C11orf42: variants seen among roughly 807,000 people sequenced by gnomAD.
C11orf42 encodes chromosome 11 open reading frame 42.
C11orf42 carries 24 observed loss-of-function variants against 27.9 expected under a neutral mutation model. That is an observed-to-expected ratio of 0.86 (90% CI 0.62 to 1.21). The LOEUF (loss-of-function observed/expected upper bound fraction) is 1.21. C11orf42 is among the 50% of genes most tolerant of loss of function. The probability of loss-of-function intolerance (pLI) is 0.00; values close to 1 mark genes in which losing one functional copy is unlikely to be tolerated. For synonymous variants in C11orf42, 187 were observed against 180.8 expected, an observed-to-expected ratio of 1.03 and a Z score of -0.28; for missense variants, 455 against 424.1, an observed-to-expected ratio of 1.07 and a Z score of -0.64.
chr11:6,205,946 CA>C (rs776370660), intron 1 of C11orf42, among the ~76,000 whole-genome samples: 10 of 152,078 alleles, frequency 6.6e-5, no homozygotes, highest in Admixed American at 2.0e-4. Flanking sequence ...TACGCTAAGT[CA>C]GGGGTGAGAC....
Position 6,210,397 on chromosome 11 carries a change from T to A in C11orf42, c.620T>A (p.Val207Glu). 1 of 1,614,176 alleles carries A rather than the reference T, an allele frequency of 6.2e-7. No individual in the cohort carries two copies. The highest frequency in any genetic ancestry group is 8.5e-7 in the Non-Finnish European group (1 of 1,180,024). The change falls in exon 2 of 3, where the codon GTG becomes GAG. Residue 207 changes from valine (V) to glutamate (E), a missense_variant. Physicochemically the swap from Val to Glu is moderately radical, Grantham distance 121 (BLOSUM62 -2). Transcript: ENST00000316375. The surrounding 1 kb of genome is among the most constrained non-coding windows in gnomAD (Gnocchi z 4.0). ...AAGTTTTCACTGCAGTCTAAGGGCG[T>A]GCTGGGACCACAGAAGCCTCTCACT... ...CLKFSLQSKG[V>E]LGPQKPLTKD...
In C11orf42 at chr11:6,210,904, C is replaced by T. The variant is rs763232949; in HGVS notation, c.872-8C>T. The T allele has an allele frequency of 1.2e-6, 2 of 1,600,460 alleles. No homozygotes were observed. The highest frequency in any genetic ancestry group is 2.7e-5 in the African/African-American group (2 of 74,168). On this transcript the variant is annotated splice_polypyrimidine_tract_variant and splice_region_variant and intron_variant, in intron 2 of 2. Coordinates refer to ENST00000316375, the MANE Select transcript of C11orf42 (RefSeq NM_173525.3). This position sits in a 1 kb window ranked among gnomAD's most constrained non-coding sequence, Gnocchi z 4.0. ...GAGTCAAGCTGTGACTATCCCCAAC[C>T]CTGGCAGAGAACTGGCTCTTCAGCC...
chr11:6,209,850 G>C lies in C11orf42; in HGVS notation c.73G>C (p.Val25Leu), dbSNP rs1426745478. The C allele has an allele frequency of 3.2e-6, 5 of 1,576,428 alleles. No homozygotes were observed. Among genetic ancestry groups the C allele is most frequent in the Non-Finnish European group, 3.5e-6 (4 of 1,154,402 alleles). ...DATWTLIKDKVIEEHFGPNAV... is the reference protein window; with the variant it reads ...DATWTLIKDKLIEEHFGPNAV... The stretch of plus-strand genomic sequence containing the variant: ...TGACCTATAAACTGGCCACCTGCAG[G>C]TCATCGAGGAGCACTTTGGGCCCAA... The change falls in exon 2 of 3, where the codon GTC (valine) becomes CTC (leucine). Residue 25 changes from valine (V) to leucine (L), a missense_variant and splice_region_variant. Coordinates refer to ENST00000316375, the MANE Select transcript of C11orf42 (RefSeq NM_173525.3).
In C11orf42 at chr11:6,210,047, G is replaced by A; in HGVS notation, c.270G>A (p.Glu90=). The A allele has an allele frequency of 6.2e-7, 1 of 1,614,252 alleles. No individual in the cohort carries two copies. The part of the protein sequence containing the change: ...LPSLLEQAGS[E]GAFAHCTREY... ...GCCTCCTGGAGCAGGCAGGATCTGA[G>A]GGTGCCTTCGCCCACTGCACTCGGG... The change falls in exon 2 of 3, where the codon GAG becomes GAA. Residue 90 remains glutamate (E), a synonymous_variant. Transcript: ENST00000316375. This position sits in a 1 kb window ranked among gnomAD's most constrained non-coding sequence, Gnocchi z 4.0.
rs1260371679 is a variant in C11orf42 at position 6,210,281 on chromosome 11, T to C, written c.504T>C (p.Cys168=). 2 of 1,614,092 alleles carry C rather than the reference T, an allele frequency of 1.2e-6. No individual in the cohort carries two copies. The highest frequency in any genetic ancestry group is 1.7e-6 in the Non-Finnish European group (2 of 1,180,044). ...ATGTCATCTACCAGGTCTTCTCTTG[T>C]TCCTGGCTGCAGCTGGGGCTGACGT... The part of the protein sequence containing the change: ...SIYVIYQVFS[C]SWLQLGLTST... The change falls in exon 2 of 3, where the codon TGT becomes TGC. Residue 168 remains cysteine (C), a synonymous_variant. Coordinates refer to ENST00000316375, the MANE Select transcript of C11orf42 (RefSeq NM_173525.3). The surrounding 1 kb of genome is among the most constrained non-coding windows in gnomAD (Gnocchi z 4.0).
At position 6,210,716 on chromosome 11, in the gene C11orf42, A is replaced by C; in HGVS notation, c.871+68A>C. On this transcript the variant is annotated intron_variant, in intron 2 of 2. Transcript: ENST00000316375. The surrounding 1 kb of genome is among the most constrained non-coding windows in gnomAD (Gnocchi z 4.0). Reference sequence around the variant, plus strand: ...AAGTGAAGGAGGGAGAAGGCATGAGAATTAAGTATGTGAGGAATCCATTAC... The same window carrying C: ...AAGTGAAGGAGGGAGAAGGCATGAGCATTAAGTATGTGAGGAATCCATTAC... 6.5e-7 allele frequency: 1 copy of C among 1,530,334 alleles called. No individual in the cohort carries two copies. Among genetic ancestry groups the C allele is most frequent in the Non-Finnish European group, 8.9e-7 (1 of 1,122,052 alleles). The allele number at this position is 1,530,334 out of a possible 1,614,324, so 94.8% of individuals were successfully genotyped here.
rs1260388367 is a variant in C11orf42, at chr11:6,210,690, A to G, written c.871+42A>G. The G allele has an allele frequency of 1.3e-6, 2 of 1,591,052 alleles. No individual in the cohort carries two copies. Among genetic ancestry groups the G allele is most frequent in the Non-Finnish European group, 1.7e-6 (2 of 1,163,606 alleles). On this transcript the variant is annotated intron_variant, in intron 2 of 2. Coordinates refer to ENST00000316375, the MANE Select transcript of C11orf42 (RefSeq NM_173525.3). The surrounding 1 kb of genome is among the most constrained non-coding windows in gnomAD (Gnocchi z 4.0). ...TGATGATGAGATGGATGGGAGGGAC[A>G]AAGTGAAGGAGGGAGAAGGCATGAG...
At chr11:6,207,066 T>C (rs1846986701) in intron 1 of C11orf42, among the ~76,000 whole-genome samples, 1 of 152,070 alleles carries the variant, frequency 6.6e-6, no homozygotes, top group Non-Finnish European at 1.5e-5. Flanking sequence ...AGGAAAACAA[T>C]ATTCCACCAT....
At position 6,210,562 on chromosome 11, in the gene C11orf42, C is replaced by T. The variant is rs1277924819; in HGVS notation, c.785C>T (p.Pro262Leu). The T allele has an allele frequency of 3.7e-6, 6 of 1,613,910 alleles. No homozygotes were observed. The highest frequency in any genetic ancestry group is 5.1e-6 in the Non-Finnish European group (6 of 1,179,974). ...CCTGTCCCAGCCCCACCTACGCCAC[C>T]TCCCCAGGAAGGGCCAGAGGACAAA... Reference protein sequence around the residue: ...PPPVPAPPTPPPQEGPEDKPT... With the variant: ...PPPVPAPPTPLPQEGPEDKPT... The change falls in exon 2 of 3, where the codon CCT becomes CTT. Residue 262 changes from proline (P) to leucine (L), a missense_variant. By Grantham distance (98) the Pro-to-Leu change is moderately conservative. Transcript: ENST00000316375. The surrounding 1 kb of genome is among the most constrained non-coding windows in gnomAD (Gnocchi z 4.0).
intron 1 of C11orf42, among the ~76,000 whole-genome samples, chr11:6,207,870 G>C (rs1246078730): frequency 2.0e-5 from 3 of 152,164 alleles, no homozygotes; most frequent in Non-Finnish European, 2.9e-5. Context: ...GGAGCCACTG[G>C]TGAATTCTAC....
In C11orf42 at chr11:6,210,760, G is replaced by C. The variant is rs1052167761; in HGVS notation, c.871+112G>C. On this transcript the variant is annotated intron_variant, in intron 2 of 2. Transcript: ENST00000316375. The surrounding 1 kb of genome is among the most constrained non-coding windows in gnomAD (Gnocchi z 4.0). ...CCATTACTCAGCACAGGGCTCTGGT[G>C]AAAGAGATGGAATGAGGGAGACTGG... 1 of 1,402,650 alleles carries C rather than the reference G, an allele frequency of 7.1e-7. No homozygotes were observed. Among genetic ancestry groups the C allele is most frequent in the African/African-American group, 1.4e-5 (1 of 69,266 alleles). 86.9% of individuals were successfully genotyped at this position (1,402,650 alleles called of 1,614,324 possible). A position where few individuals can be genotyped will look rare whatever the true frequency, so the allele number is the denominator to read the frequency against.
rs916063747 is a variant in C11orf42, at chr11:6,210,863, G to T, written c.872-49G>T. The T allele has an allele frequency of 5.2e-6, 8 of 1,535,250 alleles. No individual in the cohort carries two copies. The highest frequency in any genetic ancestry group is 1.4e-5 in the African/African-American group (1 of 71,528). Reference sequence around the variant, plus strand: ...AGGACCAGAGGGAAAAGCTAGGGGGGGAAAAGACCAGCCATGAGTCAAGCT... The same window carrying T: ...AGGACCAGAGGGAAAAGCTAGGGGGTGAAAAGACCAGCCATGAGTCAAGCT... On this transcript the variant is annotated intron_variant, in intron 2 of 2. Coordinates refer to ENST00000316375, the MANE Select transcript of C11orf42 (RefSeq NM_173525.3). The surrounding 1 kb of genome is among the most constrained non-coding windows in gnomAD (Gnocchi z 4.0).
rs1250130007 is a variant in C11orf42, at chr11:6,210,945, C to T, written c.905C>T (p.Pro302Leu). Residue 302 changes from proline to leucine, a missense_variant, in exon 3 of 3, where the codon CCA (proline) becomes CTA (leucine). By Grantham distance (98) the Pro-to-Leu change is moderately conservative. Transcript: ENST00000316375. This position sits in a 1 kb window ranked among gnomAD's most constrained non-coding sequence, Gnocchi z 4.0. ...NWLFSPRSPPPGAQGGGPRDP... is the reference protein window; with the variant it reads ...NWLFSPRSPPLGAQGGGPRDP... ...CTCTTCAGCCCCCGCAGCCCTCCAC[C>T]AGGAGCCCAGGGTGGGGGCCCCAGG... 6.2e-7 allele frequency: 1 copy of T among 1,609,098 alleles called. No homozygotes were observed. The highest frequency in any genetic ancestry group is 1.7e-5 in the Admixed American group (1 of 58,508).
chr11:6,210,855 C>A lies in C11orf42; in HGVS notation c.872-57C>A. On this transcript the variant is annotated intron_variant, in intron 2 of 2. Transcript: ENST00000316375. This position sits in a 1 kb window ranked among gnomAD's most constrained non-coding sequence, Gnocchi z 4.0. ...TGGCACAGAGGACCAGAGGGAAAAG[C>A]TAGGGGGGGAAAAGACCAGCCATGA... The A allele has an allele frequency of 6.6e-7, 1 of 1,516,750 alleles. No individual in the cohort carries two copies. Among genetic ancestry groups the A allele is most frequent in the Non-Finnish European group, 8.8e-7 (1 of 1,134,338 alleles). 94.0% of individuals were successfully genotyped at this position (1,516,750 alleles called of 1,614,324 possible). A position where few individuals can be genotyped will look rare whatever the true frequency, so the allele number is the denominator to read the frequency against.
At chr11:6,208,479 T>G (rs1459780162) in intron 1 of C11orf42, among the ~76,000 whole-genome samples, 2 of 152,304 alleles carry the variant, frequency 1.3e-5, no homozygotes, top group South Asian at 2.1e-4. Flanking sequence ...CTCTGTGGAG[T>G]GCAGTGGTGC....
Position 6,210,151 on chromosome 11 carries a change from T to A in C11orf42, c.374T>A (p.Leu125Gln). The A allele has an allele frequency of 6.2e-7, 1 of 1,614,186 alleles. No individual in the cohort carries two copies. Among genetic ancestry groups the A allele is most frequent in the Non-Finnish European group, 8.5e-7 (1 of 1,180,032 alleles). The change falls in exon 2 of 3, where the codon CTA becomes CAA. Residue 125 changes from leucine (L) to glutamine (Q), a missense_variant. Leu to Gln is a moderately radical substitution (Grantham distance 113). Coordinates refer to ENST00000316375, the MANE Select transcript of C11orf42 (RefSeq NM_173525.3). This position sits in a 1 kb window ranked among gnomAD's most constrained non-coding sequence, Gnocchi z 4.0. ...MLDGQPCKIR[L>Q]HMGDLRKKVA... is the part of the protein sequence containing the mutation. ...GATGGACAGCCCTGCAAGATCCGCC[T>A]ACATATGGGTGACCTGCGCAAGAAG...
At chr11:6,209,168 C>T (rs1221073376) in intron 1 of C11orf42, among the ~76,000 whole-genome samples, 2 of 77,414 alleles carry the variant, frequency 2.6e-5, no homozygotes, top group East Asian at 5.5e-4. Context: ...GAAGGAGAAC[C>T]GACTCAAAAA....
At chr11:6,209,231 C>G (rs1240496489) in intron 1 of C11orf42, among the ~76,000 whole-genome samples, 2 of 152,070 alleles carry the variant, frequency 1.3e-5, no homozygotes, top group East Asian at 3.9e-4. Context: ...TCCTGTTCCT[C>G]CTACCCAGAG....
Position 6,210,269 on chromosome 11 carries a change from G to A in C11orf42, c.492G>A (p.Gln164=), listed in dbSNP as rs551441944. ...RSTHSIYVIY[Q]VFSCSWLQLG... is the part of the protein sequence containing the mutation. Reference sequence around the variant, plus strand: ...CCCACAGCATCTATGTCATCTACCAGGTCTTCTCTTGTTCCTGGCTGCAGC... The same window carrying A: ...CCCACAGCATCTATGTCATCTACCAAGTCTTCTCTTGTTCCTGGCTGCAGC... The change falls in exon 2 of 3, where the codon CAG becomes CAA. Residue 164 remains glutamine (Q), a synonymous_variant. Coordinates refer to ENST00000316375, the MANE Select transcript of C11orf42 (RefSeq NM_173525.3). This position sits in a 1 kb window ranked among gnomAD's most constrained non-coding sequence, Gnocchi z 4.0. 7.2e-5 allele frequency: 117 copies of A among 1,614,060 alleles called. No homozygotes were observed. In the East Asian group the frequency reaches 2.0e-3, roughly 28 times the overall value.
Sources: allele counts gnomAD v4.1 joint callset (sites outside exome capture counted in the v4.1 genomes callset), GRCh38; gene constraint gnomAD v4.1.1; non-coding constraint Gnocchi (gnomAD v3.1); transcripts MANE v1.5; gene names NCBI Gene and HGNC (gene_info 2026-07-23, HGNC 2026-07-21).